The following SOX6 variants were observed in gnomAD, a reference collection of about 807,000 sequenced individuals.
SOX6 encodes transcription factor SOX-6.
Under a neutral mutation model 97.8 loss-of-function variants are expected in SOX6, and 11 were observed. The ratio of observed to expected loss-of-function variants is 0.11; its 90% CI spans 0.07 to 0.19. The LOEUF (loss-of-function observed/expected upper bound fraction) is 0.19, where lower values mean the gene tolerates loss of function less well. SOX6 is among the 10% of genes least tolerant of loss of function. The probability of loss-of-function intolerance (pLI) is 1.00; values close to 1 mark genes in which losing one functional copy is unlikely to be tolerated. For missense variants in SOX6, 810 were observed against 1,039.5 expected (o/e 0.78, Z 3.04); for synonymous variants, 360 against 371.4 (o/e 0.97, Z 0.35).
chr11:16,692,630 A>G (rs1010355101), intron 3 of SOX6, among the ~76,000 whole-genome samples: 1 of 152,208 alleles, frequency 6.6e-6, no homozygotes, highest in Non-Finnish European at 1.5e-5. Context: ...AATCACTCCA[A>G]GCAGTTTATT....
chr11:16,344,916 T>C (rs957159707), intron 1 of SOX6, among the ~76,000 whole-genome samples: 1 of 151,922 alleles, frequency 6.6e-6, no homozygotes, highest in Non-Finnish European at 1.5e-5. Context: ...GCGCAAATGT[T>C]GCCGCTATAA....
intron 4 of SOX6, among the ~76,000 whole-genome samples, chr11:16,493,215 C>T (rs1860538334): frequency 6.6e-6 from 1 of 152,140 alleles, no homozygotes; most frequent in South Asian, 2.1e-4. Flanking sequence ...AATGGGCAAA[C>T]TGTGATATAA....
chr11:16,436,703 T>C (rs950926781), intron 1 of SOX6, among the ~76,000 whole-genome samples: 82 of 152,204 alleles, frequency 5.4e-4, no homozygotes, highest in Non-Finnish European at 1.8e-4. Flanking sequence ...ACTGGGTTGT[T>C]GGAAGGATTA....
chr11:16,020,106 C>T (rs1855008848), intron 12 of SOX6, among the ~76,000 whole-genome samples: 1 of 152,176 alleles, frequency 6.6e-6, no homozygotes. Context: ...GCAGCTTTCT[C>T]TTTACCCAGC....
chr11:16,474,964 T>C (rs1590217009), intron 1 of SOX6, among the ~76,000 whole-genome samples: 1 of 152,350 alleles, frequency 6.6e-6, no homozygotes, highest in East Asian at 1.9e-4. Context: ...CTGCAGCTTC[T>C]CCATCAGCAC....
intron 4 of SOX6, among the ~76,000 whole-genome samples, chr11:16,565,040 A>G (rs1227477483): frequency 1.3e-5 from 2 of 152,118 alleles, no homozygotes; most frequent in Admixed American, 6.6e-5. Context: ...GAAATGATCA[A>G]TAATATTGGC....
chr11:16,238,757 C>G (rs1445599622), intron 3 of SOX6, among the ~76,000 whole-genome samples: 1 of 151,992 alleles, frequency 6.6e-6, no homozygotes, highest in Non-Finnish European at 1.5e-5. Flanking sequence ...TTCCCTTTAC[C>G]TCGTGATATT....
intron 3 of SOX6, among the ~76,000 whole-genome samples, chr11:16,680,277 A>G (rs1389115564): frequency 1.3e-5 from 2 of 152,250 alleles, no homozygotes; most frequent in Admixed American, 1.3e-4. Context: ...AAACCCTACA[A>G]GCCAGAAGAG....
At chr11:16,324,847 TA>T (rs1317175405) in intron 2 of SOX6, among the ~76,000 whole-genome samples, 1 of 152,066 alleles carries the variant, frequency 6.6e-6, no homozygotes, top group Non-Finnish European at 1.5e-5. Context: ...GAAAGACAAA[TA>T]TCACATGTTC....
intron 6 of SOX6, among the ~76,000 whole-genome samples, chr11:16,139,561 C>T (rs1388487773): frequency 6.6e-6 from 1 of 152,066 alleles, no homozygotes. Context: ...GATGCTTTAT[C>T]CTTTTGTTAT....
intron 4 of SOX6, among the ~76,000 whole-genome samples, chr11:16,214,082 G>T (rs753018597): frequency 6.6e-6 from 1 of 152,148 alleles, no homozygotes; most frequent in Admixed American, 6.5e-5. Context: ...GCCATAACAA[G>T]GTATGTTAAG....
At chr11:16,074,000 A>T (rs1191301215) in intron 9 of SOX6, among the ~76,000 whole-genome samples, 1 of 152,188 alleles carries the variant, frequency 6.6e-6, no homozygotes, top group Non-Finnish European at 1.5e-5. Context: ...GACAGATCTC[A>T]AATTAACAAC....
At chr11:16,270,421 C>A (rs1180330952) in intron 3 of SOX6, among the ~76,000 whole-genome samples, 2 of 151,284 alleles carry the variant, frequency 1.3e-5, no homozygotes, top group East Asian at 1.9e-4. Context: ...TTGGTGTAGT[C>A]ACTGTGGAAA....
intron 3 of SOX6, among the ~76,000 whole-genome samples, chr11:16,682,491 T>G (rs1182222672): frequency 1.3e-5 from 2 of 152,242 alleles, no homozygotes; most frequent in East Asian, 1.9e-4. Context: ...AAAAACCACA[T>G]GATTATCTCA....
At chr11:16,220,376 A>G (rs1034889225) in intron 4 of SOX6, among the ~76,000 whole-genome samples, 6 of 152,048 alleles carry the variant, frequency 3.9e-5, no homozygotes, top group African/African-American at 1.4e-4. Flanking sequence ...TAATAGCTAA[A>G]CTACCTGTTA....
Position 16,101,956 on chromosome 11 carries a change from C to T in SOX6, c.899-4268G>A. Among the ~76,000 whole-genome samples the T allele has an allele frequency of 1.3e-5, 2 of 151,626 alleles. 1 individual carries two copies. Among genetic ancestry groups the T allele is most frequent in the Middle Eastern group, 6.3e-3 (2 of 316 alleles). On this transcript the variant is annotated intron_variant, in intron 7 of 15. Transcript: ENST00000683767. ...TGAGAAAGAGTTGAAAGCATTCTCC[C>T]TAAAAGCTGGAACAAGACAAGGATA...
chr11:16,107,688 G>A (rs1849130482), intron 7 of SOX6, among the ~76,000 whole-genome samples: 1 of 151,844 alleles, frequency 6.6e-6, no homozygotes. Flanking sequence ...TGTTGGGTAT[G>A]ATGAAAAAGT....
intron 4 of SOX6, among the ~76,000 whole-genome samples, chr11:16,204,366 G>T (rs116253079): frequency 1.9e-3 from 290 of 152,170 alleles, no homozygotes; most frequent in African/African-American, 6.8e-3. Context: ...TAGAGTCCCA[G>T]ATTGATCCTA....
intron 6 of SOX6, among the ~76,000 whole-genome samples, chr11:16,120,903 T>A (rs1849473866): frequency 6.6e-6 from 1 of 152,076 alleles, no homozygotes; most frequent in Non-Finnish European, 1.5e-5. Context: ...AAAGAAATAA[T>A]CTTTGTAAGT....
Sources: allele counts gnomAD v4.1 joint callset (sites outside exome capture counted in the v4.1 genomes callset), GRCh38; gene constraint gnomAD v4.1.1; transcripts MANE v1.5; gene names NCBI Gene and HGNC (gene_info 2026-07-23, HGNC 2026-07-21).